Variants in THSD4 observed in about 807,000 individuals in gnomAD.
The protein encoded by THSD4 is thrombospondin type-1 domain-containing protein 4.
THSD4 carries 69 observed loss-of-function variants against 119.0 expected under a neutral mutation model. That is an observed-to-expected ratio of 0.58 (90% confidence interval 0.48 to 0.71). THSD4 has a LOEUF of 0.71. Among genes scored for constraint, THSD4 ranks in the 30% least tolerant of loss-of-function variants. THSD4 has a pLI of 0.00. For synonymous variants in THSD4, 524 were observed against 540.4 expected (o/e 0.97, Z 0.42); for missense variants, 1,393 against 1,391.1 (o/e 1.00, Z -0.02).
At chr15:71,750,897 T>C (rs1050345536) in intron 14 of THSD4, among the ~76,000 whole-genome samples, 7 of 152,126 alleles carry the variant, frequency 4.6e-5, no homozygotes, top group Non-Finnish European at 8.8e-5. Flanking sequence ...GGGGAAGGTG[T>C]TTGTGAGCTC....
intron 6 of THSD4, among the ~76,000 whole-genome samples, chr15:71,371,519 A>G (rs935043033): frequency 6.6e-6 from 1 of 152,128 alleles, no homozygotes; most frequent in African/African-American, 2.4e-5. Flanking sequence ...AAAGGATTTT[A>G]TTTCTCCTTG....
chr15:71,475,002 A>G (rs2047636642), intron 7 of THSD4, among the ~76,000 whole-genome samples: 1 of 152,192 alleles, frequency 6.6e-6, no homozygotes, highest in Non-Finnish European at 1.5e-5. Flanking sequence ...GGCCCACCCC[A>G]GACCGACTAC....
At chr15:71,133,627 A>G (rs998009354) in intron 1 of THSD4, among the ~76,000 whole-genome samples, 4 of 152,208 alleles carry the variant, frequency 2.6e-5, no homozygotes, top group Non-Finnish European at 4.4e-5. Context: ...GAAGTCAGTC[A>G]TATCTAGGGA....
chr15:71,617,086 T>C (rs2050330474), intron 7 of THSD4, among the ~76,000 whole-genome samples: 1 of 152,224 alleles, frequency 6.6e-6, no homozygotes, highest in Admixed American at 6.5e-5. Flanking sequence ...TTGATTCATA[T>C]TGCATCATGT....
Position 71,459,147 on chromosome 15 carries a change from A to G in THSD4, c.1152+47324A>G, listed in dbSNP as rs543274757. Among the ~76,000 whole-genome samples, 14 of 130,926 alleles carry G rather than the reference A, an allele frequency of 1.1e-4. No homozygotes were observed. The East Asian group carries it at 1.5e-3, about 14-fold the overall frequency. The allele number at this position is 130,926 out of a possible 152,430, so 85.9% of individuals were successfully genotyped here. ...GAGTAGTATCAGCCTTTTCTTTTTC[A>G]TTTTCTTTTTTTCTTTTTTTTTTTT... On this transcript the variant is annotated intron_variant, in intron 7 of 17. Coordinates refer to ENST00000261862, the MANE Select transcript of THSD4 (RefSeq NM_024817.3).
At chr15:71,158,283 A>G (rs1486599953) in intron 3 of THSD4, among the ~76,000 whole-genome samples, 1 of 149,858 alleles carries the variant, frequency 6.7e-6, no homozygotes, top group Non-Finnish European at 1.5e-5. Flanking sequence ...CCTCCTGAGT[A>G]GCTGGGATTA....
intron 6 of THSD4, among the ~76,000 whole-genome samples, chr15:71,332,012 C>T (rs1014165623): frequency 6.6e-6 from 1 of 152,124 alleles, no homozygotes; most frequent in Non-Finnish European, 1.5e-5. Context: ...CAAGTCTGAT[C>T]TCTACTGAAG....
intron 8 of THSD4, among the ~76,000 whole-genome samples, chr15:71,693,127 G>A (rs1290205394): frequency 6.6e-6 from 1 of 152,064 alleles, no homozygotes; most frequent in Non-Finnish European, 1.5e-5. Flanking sequence ...GGGGAGGGTG[G>A]GGGGAAACCT....
chr15:71,772,681 C>T (rs1241770621), intron 17 of THSD4, among the ~76,000 whole-genome samples: 1 of 151,996 alleles, frequency 6.6e-6, no homozygotes, highest in Non-Finnish European at 1.5e-5. Flanking sequence ...TTGCACAAAC[C>T]TGATATATGA....
intron 3 of THSD4, among the ~76,000 whole-genome samples, chr15:71,195,103 T>C (rs2043708166): frequency 6.6e-6 from 1 of 152,212 alleles, no homozygotes; most frequent in South Asian, 2.1e-4. Context: ...CTCGTGTTAA[T>C]TCATTGTAGA....
At chr15:71,586,727 T>C (rs1248682806) in intron 7 of THSD4, among the ~76,000 whole-genome samples, 1 of 152,188 alleles carries the variant, frequency 6.6e-6, no homozygotes, top group Non-Finnish European at 1.5e-5. Context: ...GGGAGCAAAC[T>C]CCAACACATT....
chr15:71,150,733 A>G (rs2040713251), intron 2 of THSD4, among the ~76,000 whole-genome samples: 2 of 152,256 alleles, frequency 1.3e-5, no homozygotes, highest in South Asian at 4.1e-4. Flanking sequence ...GAGGGGTAAC[A>G]TAGAAATTCA....
chr15:71,112,401 A>T, upstream of THSD4: 1 of 552,966 alleles, frequency 1.8e-6, no homozygotes, highest in Non-Finnish European at 2.9e-6. Context: ...CTGACACATG[A>T]CAGAAGAGTT....
intron 6 of THSD4, among the ~76,000 whole-genome samples, chr15:71,266,428 G>C (rs2044466301): frequency 6.6e-6 from 1 of 152,096 alleles, no homozygotes; most frequent in South Asian, 2.1e-4. Context: ...CAACAAAAAG[G>C]ACGTCCACGC....
chr15:71,233,612 T>G lies in THSD4; in HGVS notation c.465-9037T>G, dbSNP rs928532007. 7.2e-5 allele frequency among the ~76,000 whole-genome samples: 11 copies of G among 152,256 alleles called. 1 individual carries two copies. Among genetic ancestry groups the G allele is most frequent in the Non-Finnish European group, 1.6e-4 (11 of 68,046 alleles). On this transcript the variant is annotated intron_variant, in intron 4 of 17. Transcript: ENST00000261862. The stretch of plus-strand genomic sequence containing the variant: ...TATATACACAGCTGCCTCATTCTTT[T>G]AAACAGCTTCATAGTACTCCAATAT...
chr15:71,239,493 C>T (rs188545012), intron 4 of THSD4, among the ~76,000 whole-genome samples: 40 of 152,234 alleles, frequency 2.6e-4, no homozygotes, highest in Non-Finnish European at 5.1e-4. Flanking sequence ...GGGTCCATGT[C>T]GTGAACCACT....
intron 11 of THSD4, among the ~76,000 whole-genome samples, chr15:71,742,362 T>G (rs1295729352): frequency 6.6e-6 from 1 of 152,216 alleles, no homozygotes; most frequent in East Asian, 1.9e-4. Context: ...TTCATTTGAT[T>G]CCTAGAGTTC....
At chr15:71,766,129 T>C (rs1469383847) in intron 16 of THSD4, among the ~76,000 whole-genome samples, 1 of 152,132 alleles carries the variant, frequency 6.6e-6, no homozygotes, top group East Asian at 1.9e-4. Context: ...AGAGAGAGAT[T>C]GATAAATACA....
At chr15:71,147,332 G>A (rs1027384286) in intron 2 of THSD4, among the ~76,000 whole-genome samples, 1 of 152,064 alleles carries the variant, frequency 6.6e-6, no homozygotes, top group Non-Finnish European at 1.5e-5. Context: ...AGCCTCCTGA[G>A]TAGCTGAGAC....
Sources: gnomAD v4.1 joint callset for allele counts (sites outside exome capture counted in the v4.1 genomes callset) on GRCh38, gnomAD v4.1.1 for gene constraint, MANE v1.5 for transcripts, NCBI Gene and HGNC (gene_info 2026-07-23, HGNC 2026-07-21) for gene names.